RPP40: variants seen among roughly 807,000 people sequenced by gnomAD.
RPP40 encodes the protein ribonuclease P/MRP subunit p40, also known as ribonuclease P protein subunit p40.
In RPP40, 30 loss-of-function variants were observed where a neutral mutation model predicts 42.5. The ratio of observed to expected loss-of-function variants is 0.71; its 90% CI spans 0.53 to 0.96. RPP40 has a LOEUF of 0.96. Among genes scored for constraint, RPP40 ranks in the 40% least tolerant of loss-of-function variants. RPP40 has a pLI of 0.00. For missense variants in RPP40, 426 were observed against 433.5 expected (o/e 0.98, Z 0.15); for synonymous variants, 173 against 164.0 (o/e 1.05, Z -0.42).
In RPP40 at chr6:4,995,279, G is replaced by GA. The variant is rs751695437; in HGVS notation, c.894-4dup. The GA allele has an allele frequency of 1.9e-6, 3 of 1,595,476 alleles. No individual in the cohort carries two copies. Among genetic ancestry groups the GA allele is most frequent in the South Asian group, 2.3e-5 (2 of 88,228 alleles). On this transcript the variant is annotated splice_region_variant and splice_polypyrimidine_tract_variant and intron_variant, in intron 7 of 7. Transcript: ENST00000380051. ...ACTTCGGTTCATCAAAGTAGTGACTGAAAAAAAGGTAGTTGTTAAACAGAG... is the reference window on the plus strand; with the variant it reads ...ACTTCGGTTCATCAAAGTAGTGACTGAAAAAAAAGGTAGTTGTTAAACAGAG...
intron 2 of RPP40, 129 bp downstream of exon 2, chr6:5,001,972 T>C (rs1759573219): frequency 2.7e-6 from 2 of 753,594 alleles, no homozygotes; most frequent in East Asian, 5.2e-5. Context: ...GGAGAACGCG[T>C]GTGCACCTGA....
rs1759318279 is a variant in RPP40, at chr6:4,994,805, C to T, written c.*273G>A. ...TGGAGTGAGATGGGGACCAATATCC[C>T]CGGTCCCTGGACATCCTGGCCCAGT... On this transcript the variant is annotated 3_prime_UTR_variant, in exon 8 of 8. Coordinates refer to ENST00000380051, the MANE Select transcript of RPP40 (RefSeq NM_006638.4). The T allele has an allele frequency of 1.0e-5, 4 of 391,676 alleles. No individual in the cohort carries two copies. Among genetic ancestry groups the T allele is most frequent in the Non-Finnish European group, 1.8e-5 (4 of 218,872 alleles). 24.3% of individuals were successfully genotyped at this position (391,676 alleles called of 1,614,324 possible).
rs777540198 is a variant in RPP40, at chr6:4,996,249, A to G, written c.731T>C (p.Leu244Pro). Residue 244 changes from leucine to proline, a missense_variant, in exon 6 of 8, where the codon CTC becomes CCC. Leu to Pro is a moderately conservative substitution (Grantham distance 98). Coordinates refer to ENST00000380051, the MANE Select transcript of RPP40 (RefSeq NM_006638.4). ...GTCGACATTACTGAAGACGGCGCCG[A>G]GCCAGTCGAAGAGCTCCAGAGCCCG... is the stretch of plus-strand genomic sequence containing the variant. The part of the protein sequence containing the change: ...SCRALELFDW[L>P]GAVFSNVDLN... 1 of 1,613,998 alleles carries G rather than the reference A, an allele frequency of 6.2e-7. No homozygotes were observed. The highest frequency in any genetic ancestry group is 8.5e-7 in the Non-Finnish European group (1 of 1,179,992).
Position 4,995,232 on chromosome 6 carries a change from G to A in RPP40, c.938C>T (p.Ser313Phe). ...EPKLAPWVTL[S>F]VQGFADSPVS... ...AGGGCTGTCTGCAAAGCCTTGAACG[G>A]ACAGTGTAACCCATGGAGCTAACTT... is the stretch of plus-strand genomic sequence containing the variant. The change falls in exon 8 of 8, where the codon TCC becomes TTC. Residue 313 changes from serine to phenylalanine, a missense_variant. Coordinates refer to ENST00000380051, the MANE Select transcript of RPP40 (RefSeq NM_006638.4). 5 of 1,614,106 alleles carry A rather than the reference G, an allele frequency of 3.1e-6. No individual in the cohort carries two copies. Among genetic ancestry groups the A allele is most frequent in the Non-Finnish European group, 4.2e-6 (5 of 1,180,000 alleles).
Position 4,995,128 on chromosome 6 carries a change from C to A in RPP40, c.1042G>T (p.Asp348Tyr), listed in dbSNP as rs778232237. Residue 348 changes from aspartate (D) to tyrosine (Y), a missense_variant, in exon 8 of 8, where the codon GAC (aspartate) becomes TAC (tyrosine). Transcript: ENST00000380051. ...LYNFVIFNNQ[D>Y]YWLQMAVGAN... ...CCAACAGCCATCTGAAGCCAATAGT[C>A]CTGATTATTAAAAATCACAAAGTTA... 6 of 1,614,060 alleles carry A rather than the reference C, an allele frequency of 3.7e-6. No individual in the cohort carries two copies. Among genetic ancestry groups the A allele is most frequent in the Non-Finnish European group, 4.2e-6 (5 of 1,179,940 alleles).
At chr6:4,991,399 T>C (rs560686186), downstream of RPP40, among the ~76,000 whole-genome samples, 9 of 152,298 alleles carry the variant, frequency 5.9e-5, no homozygotes, top group South Asian at 1.9e-3. Context: ...GTACTATGAT[T>C]TTTGTTTGAA....
Position 4,998,755 on chromosome 6 carries a change from GCTT to G in RPP40, c.517_519del (p.Lys173del), listed in dbSNP as rs1172000876. The G allele has an allele frequency of 1.3e-6, 2 of 1,559,900 alleles. No individual in the cohort carries two copies. Among genetic ancestry groups the G allele is most frequent in the East Asian group, 2.3e-5 (1 of 44,130 alleles). On this transcript the variant is annotated inframe_deletion, in exon 5 of 8. Transcript: ENST00000380051. ...GCCAAAAGAAAATCAAATTTCAATG[GCTT>G]CTTTTCTTTGAAAGACCAAGATATT...
chr6:5,001,061 C>G (rs976605356), intron 2 of RPP40: 13 of 457,856 alleles, frequency 2.8e-5, no homozygotes, highest in African/African-American at 2.6e-4. Flanking sequence ...TTACTATCAT[C>G]AAGCAAAAAA....
chr6:4,993,629 G>A (rs1360832615), downstream of RPP40, among the ~76,000 whole-genome samples: 1 of 152,122 alleles, frequency 6.6e-6, no homozygotes, highest in African/African-American at 2.4e-5. Context: ...TTACCTGTAA[G>A]GCAGTAAAAT....
chr6:5,002,623 G>A (rs1224335074), intron 1 of RPP40, among the ~76,000 whole-genome samples: 2 of 152,050 alleles, frequency 1.3e-5, no homozygotes, highest in Admixed American at 1.3e-4. Flanking sequence ...GTTTACCCTG[G>A]TGTTATCCTG....
chr6:5,002,281 C>A, intron 1 of RPP40, 36 bp from the exon 2 acceptor site: 1 of 1,517,952 alleles, frequency 6.6e-7, no homozygotes, highest in Non-Finnish European at 8.9e-7. Context: ...GGTCTTACTT[C>A]CATGAAGATG....
chr6:4,997,243 TGGA>T (rs1759411515), intron 5 of RPP40, among the ~76,000 whole-genome samples: 1 of 152,214 alleles, frequency 6.6e-6, no homozygotes, highest in South Asian at 2.1e-4. Context: ...AGGGTGTTTC[TGGA>T]GGAGACTGGC....
At position 5,000,751 on chromosome 6, in the gene RPP40, G is replaced by T. The variant is rs1458801688; in HGVS notation, c.269-120C>A. ...TCATTAAAGGTCAGTTTCTACCCCT[G>T]CTCCAGCTCACTCAATAAACCAAAC... On this transcript the variant is annotated intron_variant, in intron 2 of 7. Transcript: ENST00000380051. 4.4e-6 allele frequency: 3 copies of T among 680,318 alleles called. No individual in the cohort carries two copies. The African/African-American group carries it at 5.5e-5, about 12-fold the overall frequency. 42.1% of individuals were successfully genotyped at this position (680,318 alleles called of 1,614,324 possible). A position where few individuals can be genotyped will look rare whatever the true frequency, so the allele number is the denominator to read the frequency against.
chr6:4,997,470 G>C (rs1759417318), intron 5 of RPP40, among the ~76,000 whole-genome samples: 1 of 152,236 alleles, frequency 6.6e-6, no homozygotes, highest in African/African-American at 2.4e-5. Flanking sequence ...TCCACAGGTT[G>C]TCAGGCTTTG....
intron 5 of RPP40, among the ~76,000 whole-genome samples, chr6:4,998,306 T>A (rs1759443037): frequency 6.6e-6 from 1 of 152,236 alleles, no homozygotes; most frequent in Non-Finnish European, 1.5e-5. Flanking sequence ...AATAAATTCA[T>A]CTGACATTTA....
At position 5,003,943 on chromosome 6, in the gene RPP40, G is replaced by C. The variant is rs376132415; in HGVS notation, c.60C>G (p.Ser20=). 6.2e-7 allele frequency: 1 copy of C among 1,613,702 alleles called. No homozygotes were observed. Among genetic ancestry groups the C allele is most frequent in the Non-Finnish European group, 8.5e-7 (1 of 1,179,764 alleles). The stretch of plus-strand genomic sequence containing the variant: ...GGCGCGACTTGTGGTTGCCGAAGTT[G>C]GATTTCTCGCAAACCAGTAAGTGCC... ...APRHLLVCEK[S]NFGNHKSRHR... The change falls in exon 1 of 8, where the codon TCC becomes TCG. Residue 20 remains serine, a synonymous_variant. Transcript: ENST00000380051.
chr6:5,001,858 G>T, intron 2 of RPP40: 1 of 387,648 alleles, frequency 2.6e-6, no homozygotes, highest in East Asian at 4.4e-5. Context: ...TTAAGGGGAC[G>T]GATACTGTCA....
chr6:4,997,235 G>T (rs148517026), intron 5 of RPP40, among the ~76,000 whole-genome samples: 50 of 152,332 alleles, frequency 3.3e-4, no homozygotes, highest in African/African-American at 1.0e-3. Flanking sequence ...TGTCTGTGAG[G>T]GTGTTTCTGG....
In RPP40 at chr6:4,998,718, G is replaced by A; in HGVS notation, c.557C>T (p.Thr186Ile). 1 of 1,542,826 alleles carries A rather than the reference G, an allele frequency of 6.5e-7. No homozygotes were observed. Among genetic ancestry groups the A allele is most frequent in the Non-Finnish European group, 8.8e-7 (1 of 1,137,992 alleles). ...KFDFLLAWHK[T>I]GSEESTMMSY... is the part of the protein sequence containing the mutation. ...ATTACATAATTTATTCCTCATACCT[G>A]TTTTATGCCAAGCCAAAAGAAAATC... is the stretch of plus-strand genomic sequence containing the variant. The change falls in exon 5 of 8, where the codon ACA becomes ATA. Residue 186 changes from threonine to isoleucine, a missense_variant and splice_region_variant. By Grantham distance (89) the Thr-to-Ile change is moderately conservative. Transcript: ENST00000380051.
Sources: gnomAD v4.1 joint callset for allele counts (sites outside exome capture counted in the v4.1 genomes callset) on GRCh38, gnomAD v4.1.1 for gene constraint, MANE v1.5 for transcripts, NCBI Gene and HGNC (gene_info 2026-07-23, HGNC 2026-07-21) for gene names.